SHPK: variants seen among roughly 807,000 people sequenced by gnomAD.
SHPK encodes the protein sedoheptulokinase.
In SHPK, 51 loss-of-function variants were observed where a neutral mutation model predicts 46.3. The ratio of observed to expected loss-of-function variants is 1.10; its 90% CI spans 0.88 to 1.39. The LOEUF (loss-of-function observed/expected upper bound fraction) is 1.39, where lower values mean the gene tolerates loss of function less well. Among genes scored for constraint, SHPK ranks in the 40% most tolerant of loss-of-function variants. SHPK has a pLI of 0.00. For synonymous variants in SHPK, 290 were observed against 273.9 expected (o/e 1.06, Z -0.58); for missense variants, 668 against 641.3 (o/e 1.04, Z -0.45).
At chr17:3,616,382 G>C (rs774549049) in intron 5 of SHPK, among the ~76,000 whole-genome samples, 1 of 152,180 alleles carries the variant, frequency 6.6e-6, no homozygotes, top group Non-Finnish European at 1.5e-5. Context: ...AGAACCTCAC[G>C]TGCCAGGGAA....
intron 5 of SHPK, among the ~76,000 whole-genome samples, chr17:3,617,931 T>C (rs1164845971): frequency 1.3e-5 from 2 of 152,204 alleles, no homozygotes; most frequent in Non-Finnish European, 2.9e-5. Context: ...CTCAGAGCAA[T>C]AATGAAAGAT....
At chr17:3,622,017 C>CA in intron 4 of SHPK, among the ~76,000 whole-genome samples, 1 of 151,914 alleles carries the variant, frequency 6.6e-6, no homozygotes, top group East Asian at 1.9e-4. Flanking sequence ...GTGGTGTGAT[C>CA]ACTGCTCACT....
At chr17:3,623,594 T>G (rs1597573791) in intron 3 of SHPK, 103 bp from the exon 4 acceptor site, 1 of 1,194,372 alleles carries the variant, frequency 8.4e-7, no homozygotes, top group Non-Finnish European at 1.2e-6. Context: ...CATGGCCAGG[T>G]GGCAGCCACA....
intron 5 of SHPK, among the ~76,000 whole-genome samples, chr17:3,616,780 C>T (rs1036957323): frequency 1.3e-5 from 2 of 152,136 alleles, no homozygotes; most frequent in African/African-American, 4.8e-5. Flanking sequence ...GCTCTGTCAC[C>T]CAGTCTGGAG....
chr17:3,618,214 C>CT (rs2075379301), intron 5 of SHPK, among the ~76,000 whole-genome samples: 1 of 152,088 alleles, frequency 6.6e-6, no homozygotes, highest in Admixed American at 6.6e-5. Context: ...TCAAGCAATT[C>CT]TCTGCCTCAG....
At chr17:3,626,563 G>A (rs1012844957) in intron 2 of SHPK, among the ~76,000 whole-genome samples, 2 of 150,212 alleles carry the variant, frequency 1.3e-5, no homozygotes, top group Non-Finnish European at 1.5e-5. Flanking sequence ...TAAAAATACC[G>A]AAAAAAAAAT....
chr17:3,619,923 C>T lies in SHPK; in HGVS notation c.823+1314G>A, dbSNP rs2075390403. 4 of 216,450 alleles carry T rather than the reference C, an allele frequency of 1.8e-5. No individual in the cohort carries two copies. In the South Asian group the frequency reaches 2.8e-4, roughly 15 times the overall value. The allele number at this position is 216,450 out of a possible 1,614,324, so 13.4% of individuals were successfully genotyped here. On this transcript the variant is annotated intron_variant, in intron 5 of 6. Transcript: ENST00000225519. Reference sequence around the variant, plus strand: ...CTCCCAGCGCCGCCAAGCGCCATATCGTCCCACGTTCTCACGTTTTTAAAT... The same window carrying T: ...CTCCCAGCGCCGCCAAGCGCCATATTGTCCCACGTTCTCACGTTTTTAAAT...
chr17:3,619,748 AT>A, intron 5 of SHPK: 15 of 377,446 alleles, frequency 4.0e-5, no homozygotes, highest in Admixed American at 1.1e-4. Flanking sequence ...AAAAAAAAAA[AT>A]TTGGAAGAAG....
intron 1 of SHPK, among the ~76,000 whole-genome samples, chr17:3,632,673 T>C (rs895621859): frequency 1.3e-5 from 2 of 152,018 alleles, no homozygotes; most frequent in African/African-American, 4.8e-5. Flanking sequence ...GCTCAGAATA[T>C]CAGTTGGTCT....
rs2075326385 is a variant in SHPK at position 3,609,988 on chromosome 17, G to A, written c.*572C>T. 1 of 153,466 alleles carries A rather than the reference G, an allele frequency of 6.5e-6. No homozygotes were observed. The highest frequency in any genetic ancestry group is 2.4e-5 in the African/African-American group (1 of 41,464). 9.5% of individuals were successfully genotyped at this position (153,466 alleles called of 1,614,324 possible). A position where few individuals can be genotyped will look rare whatever the true frequency, so the allele number is the denominator to read the frequency against. ...TGAGCCTGCCTGCTGCATCGCGCTT[G>A]GGTCAATCCCTGGCCCAGCTAAGCA... On this transcript the variant is annotated 3_prime_UTR_variant, in exon 7 of 7. Coordinates refer to ENST00000225519, the MANE Select transcript of SHPK (RefSeq NM_013276.4).
intron 1 of SHPK, among the ~76,000 whole-genome samples, chr17:3,635,496 A>C (rs1191742038): frequency 2.6e-5 from 4 of 152,050 alleles, no homozygotes; most frequent in African/African-American, 9.7e-5. Flanking sequence ...CGGCCTCCCA[A>C]AGCGCTGGGA....
intron 1 of SHPK, among the ~76,000 whole-genome samples, chr17:3,632,172 G>A (rs2150875830): frequency 6.6e-6 from 1 of 151,672 alleles, no homozygotes; most frequent in South Asian, 2.1e-4. Flanking sequence ...GGCCAGGATG[G>A]TCTCGATCTC....
rs938356355 is a variant in SHPK, at chr17:3,633,307, C to G, written c.168+2745G>C. On this transcript the variant is annotated intron_variant, in intron 1 of 6. Transcript: ENST00000225519. ...CAGATATGACTATAGATCACTGGTT[C>G]CTACTCGGGGTGGTCTTGTCACCTA... Among the ~76,000 whole-genome samples the G allele has an allele frequency of 5.3e-5, 8 of 151,338 alleles. No individual in the cohort carries two copies. The Admixed American group carries it at 5.3e-4, about 10-fold the overall frequency.
intron 6 of SHPK, among the ~76,000 whole-genome samples, chr17:3,614,770 C>T (rs927996739): frequency 6.6e-6 from 1 of 151,448 alleles, no homozygotes; most frequent in Non-Finnish European, 1.5e-5. Flanking sequence ...ATCCCTTGAA[C>T]CTGGGAGGCG....
intron 2 of SHPK, among the ~76,000 whole-genome samples, chr17:3,625,788 C>G (rs1371745972): frequency 6.6e-6 from 1 of 152,196 alleles, no homozygotes; most frequent in Non-Finnish European, 1.5e-5. Context: ...CACGGTGGCT[C>G]ACGCCTATAA....
In SHPK at chr17:3,610,906, G is replaced by T; in HGVS notation, c.1091C>A (p.Thr364Asn). Reference protein sequence around the residue: ...MIQAAVQQRDTHLTITPTVLG... With the variant: ...MIQAAVQQRDNHLTITPTVLG... ...CACTGTCGGGGTGATGGTCAGGTGG[G>T]TATCTCTCTGCTGCACAGCTGCCTG... The change falls in exon 7 of 7, where the codon ACC becomes AAC. Residue 364 changes from threonine (T) to asparagine (N), a missense_variant. Thr to Asn is a moderately conservative substitution (Grantham distance 65). Transcript: ENST00000225519. 6.2e-7 allele frequency: 1 copy of T among 1,613,988 alleles called. No individual in the cohort carries two copies. Among genetic ancestry groups the T allele is most frequent in the South Asian group, 1.1e-5 (1 of 91,080 alleles).
chr17:3,631,027 G>A (rs886173912), intron 1 of SHPK, among the ~76,000 whole-genome samples: 9 of 152,244 alleles, frequency 5.9e-5, no homozygotes, highest in Middle Eastern at 3.4e-3. Context: ...CTTCCCTCCC[G>A]GGAGTGCTGT....
intron 6 of SHPK, among the ~76,000 whole-genome samples, chr17:3,614,842 C>T (rs1287593315): frequency 2.0e-4 from 28 of 136,764 alleles, no homozygotes; most frequent in South Asian, 2.3e-4. Context: ...AGCGAGACTC[C>T]GTCTCAAAAA....
chr17:3,632,716 G>C (rs2075480415), intron 1 of SHPK, among the ~76,000 whole-genome samples: 1 of 152,016 alleles, frequency 6.6e-6, no homozygotes, highest in Non-Finnish European at 1.5e-5. Context: ...CTTTAGACTT[G>C]CACACAGTAC....
Sources: gnomAD v4.1 joint callset for allele counts (sites outside exome capture counted in the v4.1 genomes callset) on GRCh38, gnomAD v4.1.1 for gene constraint, MANE v1.5 for transcripts, NCBI Gene and HGNC (gene_info 2026-07-23, HGNC 2026-07-21) for gene names.